The following SEMA6D variants were observed in gnomAD, a reference collection of about 807,000 sequenced individuals.
SEMA6D encodes semaphorin-6D.
Under a neutral mutation model 106.6 loss-of-function variants are expected in SEMA6D, and 35 were observed. That is an observed-to-expected ratio of 0.33 (90% CI 0.25 to 0.44). The LOEUF (loss-of-function observed/expected upper bound fraction) is 0.44, where lower values mean the gene tolerates loss of function less well. Among genes scored for constraint, SEMA6D ranks in the 20% least tolerant of loss-of-function variants. SEMA6D has a pLI of 1.00. For synonymous variants in SEMA6D, 499 were observed against 487.7 expected, an observed-to-expected ratio of 1.02 and a Z score of -0.31; for missense variants, 1,185 against 1,345.9, an observed-to-expected ratio of 0.88 and a Z score of 1.87.
intron 4 of SEMA6D, among the ~76,000 whole-genome samples, chr15:47,698,264 C>T (rs1180993593): frequency 6.6e-6 from 1 of 152,078 alleles, no homozygotes; most frequent in East Asian, 1.9e-4. Context: ...AGATGTTCTG[C>T]CACTCTATGG....
intron 1 of SEMA6D, among the ~76,000 whole-genome samples, chr15:47,198,425 A>G (rs751561807): frequency 1.7e-4 from 26 of 152,178 alleles, no homozygotes; most frequent in Non-Finnish European, 1.3e-4. Context: ...ATATTGTGCA[A>G]TATAAATATA....
intron 1 of SEMA6D, among the ~76,000 whole-genome samples, chr15:47,396,080 G>C (rs1430326521): frequency 2.0e-5 from 3 of 152,074 alleles, no homozygotes; most frequent in Non-Finnish European, 4.4e-5. Flanking sequence ...CCCATGTGAG[G>C]ACAGAGCAAG....
intron 4 of SEMA6D, among the ~76,000 whole-genome samples, chr15:47,626,113 A>G (rs2077197891): frequency 6.6e-6 from 1 of 152,230 alleles, no homozygotes; most frequent in African/African-American, 2.4e-5. Flanking sequence ...GAGTTGGAAG[A>G]CTTCTTTGGT....
chr15:47,269,074 A>G (rs1163516688), intron 1 of SEMA6D, among the ~76,000 whole-genome samples: 1 of 152,118 alleles, frequency 6.6e-6, no homozygotes. Context: ...ATTGCTTTAA[A>G]TCCCAGCCAT....
At chr15:47,662,343 A>G (rs959266495) in intron 4 of SEMA6D, among the ~76,000 whole-genome samples, 1 of 152,160 alleles carries the variant, frequency 6.6e-6, no homozygotes, top group Non-Finnish European at 1.5e-5. Context: ...CAGAATGACA[A>G]TGGCAAATCC....
chr15:47,769,736 A>G (rs879433340), intron 18 of SEMA6D, among the ~76,000 whole-genome samples: 3 of 152,148 alleles, frequency 2.0e-5, no homozygotes, highest in Non-Finnish European at 4.4e-5. Context: ...GTTGCATTAA[A>G]AGGTTAAGTT....
At chr15:47,551,075 A>C (rs1216886928) in intron 3 of SEMA6D, among the ~76,000 whole-genome samples, 2 of 152,170 alleles carry the variant, frequency 1.3e-5, no homozygotes, top group Non-Finnish European at 2.9e-5. Flanking sequence ...TAAGCTTTGC[A>C]CCTGACACCT....
intron 4 of SEMA6D, among the ~76,000 whole-genome samples, chr15:47,645,982 AG>A (rs2077575023): frequency 6.6e-6 from 1 of 152,196 alleles, no homozygotes; most frequent in African/African-American, 2.4e-5. Context: ...GCCCCACTCC[AG>A]GAACTTCTGC....
chr15:47,327,934 A>G (rs771319847), intron 1 of SEMA6D, among the ~76,000 whole-genome samples: 1 of 152,230 alleles, frequency 6.6e-6, no homozygotes, highest in Non-Finnish European at 1.5e-5. Flanking sequence ...TCTCAGCGTT[A>G]TACCTATTAT....
chr15:47,605,832 A>G (rs1824849415), intron 4 of SEMA6D, among the ~76,000 whole-genome samples: 1 of 152,228 alleles, frequency 6.6e-6, no homozygotes, highest in Non-Finnish European at 1.5e-5. Flanking sequence ...CCATGTGTTC[A>G]CCAACCCAGA....
intron 4 of SEMA6D, among the ~76,000 whole-genome samples, chr15:47,668,313 A>G (rs2078068536): frequency 6.6e-6 from 1 of 152,202 alleles, no homozygotes; most frequent in African/African-American, 2.4e-5. Context: ...CAGCCAGTAG[A>G]TCTAACACTG....
chr15:47,691,365 T>C (rs187793618), intron 4 of SEMA6D, among the ~76,000 whole-genome samples: 17 of 152,232 alleles, frequency 1.1e-4, no homozygotes, highest in Non-Finnish European at 2.2e-4. Context: ...CTACATTTAC[T>C]AGAGGTGGTA....
chr15:47,701,177 A>G lies in SEMA6D; in HGVS notation c.-54-58568A>G, dbSNP rs114625382. Reference sequence around the variant, plus strand: ...AAGATAAACCAAGGATTGGGAAAATATATTCCCAAATGACATGTCTGATAA... The same window carrying G: ...AAGATAAACCAAGGATTGGGAAAATGTATTCCCAAATGACATGTCTGATAA... On this transcript the variant is annotated intron_variant, in intron 4 of 19. Coordinates refer to the SEMA6D transcript ENST00000558014. 8.3e-3 allele frequency among the ~76,000 whole-genome samples: 1,268 copies of G among 152,328 alleles called. 21 individuals carry two copies. The highest frequency in any genetic ancestry group is 0.03 in the African/African-American group (1,232 of 41,580).
intron 1 of SEMA6D, among the ~76,000 whole-genome samples, chr15:47,401,387 C>T (rs281307): frequency 0.59 from 89,346 of 152,008 alleles, 27,214 homozygotes; most frequent in Middle Eastern, 0.71. Flanking sequence ...GGCAGTACTA[C>T]TAATACCATT....
At chr15:47,655,791 C>T (rs761166159) in intron 4 of SEMA6D, among the ~76,000 whole-genome samples, 2 of 152,200 alleles carry the variant, frequency 1.3e-5, no homozygotes, top group Non-Finnish European at 2.9e-5. Flanking sequence ...TCATTATTCA[C>T]GGATTCAGTA....
intron 1 of SEMA6D, among the ~76,000 whole-genome samples, chr15:47,311,578 G>A (rs1477825999): frequency 6.6e-6 from 1 of 152,026 alleles, no homozygotes; most frequent in Non-Finnish European, 1.5e-5. Flanking sequence ...AGTAAAGGGT[G>A]TATTTCCATT....
intron 1 of SEMA6D, among the ~76,000 whole-genome samples, chr15:47,727,655 TC>T (rs1159607810): frequency 1.4e-5 from 2 of 140,562 alleles, no homozygotes; most frequent in Admixed American, 7.2e-5. Flanking sequence ...TAAAGTGGCT[TC>T]CCCCCCAACC....
At chr15:47,709,798 C>G (rs1259887183) in intron 4 of SEMA6D, among the ~76,000 whole-genome samples, 3 of 151,740 alleles carry the variant, frequency 2.0e-5, no homozygotes, top group Non-Finnish European at 4.4e-5. Context: ...TCCCCCTTCT[C>G]TAGGCTGCAC....
chr15:47,444,756 A>G (rs1465871692), intron 2 of SEMA6D, among the ~76,000 whole-genome samples: 1 of 152,114 alleles, frequency 6.6e-6, no homozygotes, highest in Admixed American at 6.6e-5. Flanking sequence ...CTCCTGCCCC[A>G]TGGTAGTGTC....
Sources: allele counts gnomAD v4.1 joint callset (sites outside exome capture counted in the v4.1 genomes callset), GRCh38; gene constraint gnomAD v4.1.1; transcripts MANE v1.5; gene names NCBI Gene and HGNC (gene_info 2026-07-23, HGNC 2026-07-21).